Variants in KLHL2 observed in about 807,000 individuals in gnomAD.
KLHL2 encodes kelch-like protein 2.
In KLHL2, 15 loss-of-function variants were observed where a neutral mutation model predicts 75.8. The observed-to-expected ratio is 0.20, with a 90% CI of 0.13 to 0.30. The LOEUF is 0.30. Ranked by LOEUF, KLHL2 falls within the 10% of genes least tolerant of loss-of-function variation. The probability of loss-of-function intolerance (pLI) is 1.00; values close to 1 mark genes in which losing one functional copy is unlikely to be tolerated. For synonymous variants in KLHL2, 214 were observed against 251.9 expected (o/e 0.85, Z 1.42); for missense variants, 381 against 741.0 (o/e 0.51, Z 5.64).
At chr4:165,302,341 T>A (rs1745411856) in intron 8 of KLHL2, among the ~76,000 whole-genome samples, 1 of 152,258 alleles carries the variant, frequency 6.6e-6, no homozygotes, top group African/African-American at 2.4e-5. Flanking sequence ...AAGCAAAGAT[T>A]AATTTCTTAT....
At chr4:165,294,259 CTTAAG>C in intron 5 of KLHL2, 95 bp from the exon 6 acceptor site, 1 of 685,730 alleles carries the variant, frequency 1.5e-6, no homozygotes, top group Non-Finnish European at 2.5e-6. Flanking sequence ...TTTTCTCATT[CTTAAG>C]TTAGATTAAA....
At chr4:165,288,034 G>A (rs1274722731) in intron 5 of KLHL2, among the ~76,000 whole-genome samples, 2 of 151,934 alleles carry the variant, frequency 1.3e-5, no homozygotes, top group Non-Finnish European at 2.9e-5. Flanking sequence ...ATTTGTCTTC[G>A]TTGCCTGAGC....
chr4:165,310,042 A>C (rs898298701), intron 9 of KLHL2, among the ~76,000 whole-genome samples: 2 of 152,214 alleles, frequency 1.3e-5, no homozygotes, highest in African/African-American at 4.8e-5. Flanking sequence ...ATTTTTTAAT[A>C]ACCTTAGAAA....
intron 5 of KLHL2, chr4:165,278,548 C>T: frequency 1.2e-6 from 2 of 1,611,344 alleles, no homozygotes; most frequent in African/African-American, 1.3e-5. Context: ...GTGCATATAA[C>T]CCCGAAAATG....
chr4:165,217,002 C>T (rs1031614807), intron 1 of KLHL2, among the ~76,000 whole-genome samples: 4 of 152,152 alleles, frequency 2.6e-5, no homozygotes, highest in African/African-American at 7.2e-5. Flanking sequence ...TTCTCCAATG[C>T]AGGGAATTTT....
At chr4:165,253,036 T>G (rs1210925465) in intron 4 of KLHL2, among the ~76,000 whole-genome samples, 4 of 152,182 alleles carry the variant, frequency 2.6e-5, no homozygotes, top group Admixed American at 2.6e-4. Context: ...TACTTTTTTA[T>G]TTTTTATTTT....
At chr4:165,219,653 G>T in intron 1 of KLHL2, 2 of 1,148,646 alleles carry the variant, frequency 1.7e-6, no homozygotes, top group Non-Finnish European at 2.1e-6. Context: ...GTTTTATTTG[G>T]AGATATCTGC....
Position 165,322,116 on chromosome 4 carries a change from T to G in KLHL2, c.*56T>G, listed in dbSNP as rs1208928641. On this transcript the variant is annotated 3_prime_UTR_variant, in exon 15 of 15. Coordinates refer to ENST00000226725, the MANE Select transcript of KLHL2 (RefSeq NM_007246.4). ...ATGAGAAACAGCCTTCAACAAGTAT[T>G]TGTGAAGTGACTGAGAATCTAGCAC... 5 of 1,484,588 alleles carry G rather than the reference T, an allele frequency of 3.4e-6. No individual in the cohort carries two copies. Among genetic ancestry groups the G allele is most frequent in the Non-Finnish European group, 4.7e-6 (5 of 1,062,438 alleles). The allele number at this position is 1,484,588 out of a possible 1,614,324, so 92.0% of individuals were successfully genotyped here.
chr4:165,254,862 A>C (rs1741038708), intron 4 of KLHL2, among the ~76,000 whole-genome samples: 1 of 152,234 alleles, frequency 6.6e-6, no homozygotes, highest in African/African-American at 2.4e-5. Flanking sequence ...TATATTGTGA[A>C]TGATCTGGGA....
intron 4 of KLHL2, chr4:165,240,556 A>T (rs958647877): frequency 3.3e-5 from 5 of 149,406 alleles, no homozygotes; most frequent in Admixed American, 2.0e-4. Flanking sequence ...TTTTTTTAAC[A>T]TGGAAGAAAG....
At chr4:165,242,114 T>G (rs1463070039) in intron 4 of KLHL2, among the ~76,000 whole-genome samples, 2 of 152,174 alleles carry the variant, frequency 1.3e-5, no homozygotes, top group Non-Finnish European at 2.9e-5. Flanking sequence ...CAGGTTTTTT[T>G]TTAAAGGGAG....
At chr4:165,286,633 A>G (rs1012172068) in intron 5 of KLHL2, among the ~76,000 whole-genome samples, 19 of 152,218 alleles carry the variant, frequency 1.2e-4, no homozygotes, top group African/African-American at 4.1e-4. Context: ...AAAGACTTCC[A>G]AAGAACTATT....
chr4:165,281,311 T>C (rs1186097184), intron 5 of KLHL2, among the ~76,000 whole-genome samples: 12 of 146,450 alleles, frequency 8.2e-5, no homozygotes, highest in Non-Finnish European at 1.6e-4. Flanking sequence ...CTCTCTCTCT[T>C]TTTTTTTTTT....
intron 9 of KLHL2, among the ~76,000 whole-genome samples, chr4:165,309,047 A>G (rs912417636): frequency 4.6e-5 from 7 of 152,342 alleles, no homozygotes; most frequent in East Asian, 1.9e-4. Context: ...GAGCTCGTCA[A>G]ACATATCTGG....
chr4:165,223,412 T>C (rs1266459769), intron 2 of KLHL2, among the ~76,000 whole-genome samples: 1 of 152,124 alleles, frequency 6.6e-6, no homozygotes, highest in Non-Finnish European at 1.5e-5. Flanking sequence ...TGGGCTTCAG[T>C]TGGGCCTTGA....
chr4:165,251,665 AGTGGCGGGAT>A (rs1740715009), intron 4 of KLHL2, among the ~76,000 whole-genome samples: 1 of 141,038 alleles, frequency 7.1e-6, no homozygotes, highest in Non-Finnish European at 1.5e-5. Flanking sequence ...GCTGGAGTGC[AGTGGCGGGAT>A]CTCGGCTCAC....
intron 5 of KLHL2, chr4:165,277,758 C>CACACAT: frequency 5.7e-6 from 2 of 352,606 alleles, no homozygotes; most frequent in African/African-American, 5.8e-5. Flanking sequence ...AACACACACA[C>CACACAT]ACACACACAC....
In KLHL2 at chr4:165,311,807, C is replaced by CTGTG. The variant is rs753272810; in HGVS notation, c.1339+243_1339+244insGTGT. 1.0e-2 allele frequency among the ~76,000 whole-genome samples: 1,115 copies of CTGTG among 111,660 alleles called. 4 individuals carry two copies. Among genetic ancestry groups the CTGTG allele is most frequent in the African/African-American group, 0.012 (278 of 23,592 alleles). The allele number at this position is 111,660 out of a possible 152,430, so 73.3% of individuals were successfully genotyped here. On this transcript the variant is annotated intron_variant, in intron 11 of 14. Coordinates refer to ENST00000226725, the MANE Select transcript of KLHL2 (RefSeq NM_007246.4). ...CCTCCCTTTATCCCTCCTCCTTTCT[C>CTGTG]TCTGTGTGTGTGTGTGTGTGTGTGT...
At chr4:165,213,501 A>G (rs1397118862) in intron 1 of KLHL2, among the ~76,000 whole-genome samples, 1 of 152,154 alleles carries the variant, frequency 6.6e-6, no homozygotes, top group Non-Finnish European at 1.5e-5. Context: ...AGTTCCTCCA[A>G]GGCCCCATTG....
Sources: gnomAD v4.1 joint callset for allele counts (sites outside exome capture counted in the v4.1 genomes callset) on GRCh38, gnomAD v4.1.1 for gene constraint, MANE v1.5 for transcripts, NCBI Gene and HGNC (gene_info 2026-07-23, HGNC 2026-07-21) for gene names.